Variants in UHRF1 observed in about 807,000 individuals in gnomAD.
UHRF1 encodes ubiquitin like with PHD and ring finger domains 1.
Under a neutral mutation model 96.5 loss-of-function variants are expected in UHRF1, and 9 were observed. The observed-to-expected ratio is 0.09, with a 90% CI of 0.06 to 0.16. The LOEUF is 0.16. Among genes scored for constraint, UHRF1 ranks in the 10% least tolerant of loss-of-function variants. The probability of loss-of-function intolerance (pLI) is 1.00; values close to 1 mark genes in which losing one functional copy is unlikely to be tolerated. For synonymous variants in UHRF1, 455 were observed against 469.9 expected (o/e 0.97, Z 0.41); for missense variants, 626 against 1,131.1 (o/e 0.55, Z 6.40).
intron 1 of UHRF1, 63 bp from the exon 2 acceptor site, chr19:4,910,813 A>G: frequency 6.6e-7 from 1 of 1,520,176 alleles, no homozygotes; most frequent in South Asian, 1.3e-5. Context: ...GACTCCTTAG[A>G]GCATGGCATG....
At chr19:4,942,943 G>A (rs1166372699) in intron 7 of UHRF1, among the ~76,000 whole-genome samples, 1 of 150,798 alleles carries the variant, frequency 6.6e-6, no homozygotes, top group Non-Finnish European at 1.5e-5. Context: ...TATTTCTTTA[G>A]AAAAGTAAAA....
At chr19:4,941,351 G>C (rs558419254) in intron 5 of UHRF1, among the ~76,000 whole-genome samples, 177 bp from the exon 6 acceptor site, 1 of 152,078 alleles carries the variant, frequency 6.6e-6, no homozygotes, top group South Asian at 2.1e-4. Context: ...TATTACAGGC[G>C]TGAGCCACTG....
chr19:4,941,716 C>T (rs751537042), intron 6 of UHRF1, 29 bp from the exon 7 acceptor site: 19 of 1,552,732 alleles, frequency 1.2e-5, no homozygotes, highest in South Asian at 3.5e-5. Flanking sequence ...CGGGCCCCGC[C>T]GGAGCTGACC....
At chr19:4,919,461 C>T (rs2032630731) in intron 2 of UHRF1, among the ~76,000 whole-genome samples, 1 of 151,896 alleles carries the variant, frequency 6.6e-6, no homozygotes, top group Admixed American at 6.6e-5. Flanking sequence ...CGCCACCTCG[C>T]CCAGCTAATT....
Position 4,930,335 on chromosome 19 carries a change from G to A in UHRF1, c.409-381G>A, listed in dbSNP as rs1054376059. 6.6e-6 allele frequency among the ~76,000 whole-genome samples: 1 copy of A among 152,058 alleles called. No homozygotes were observed. The highest frequency in any genetic ancestry group is 1.5e-5 in the Non-Finnish European group (1 of 68,012). On this transcript the variant is annotated intron_variant, in intron 3 of 16. Coordinates refer to ENST00000650932, the MANE Select transcript of UHRF1 (RefSeq NM_001048201.3). This position sits in a 1 kb window ranked among gnomAD's most constrained non-coding sequence, Gnocchi z 4.4. The stretch of plus-strand genomic sequence containing the variant: ...GTTGCCCAGGCTAGTCTTGAATTCC[G>A]GGGCTCAAGCGATCCACCTGCCTCG...
chr19:4,911,170 AAGG>A (rs1568404659), intron 2 of UHRF1, 132 bp downstream of exon 2: 8 of 863,510 alleles, frequency 9.3e-6, no homozygotes, highest in African/African-American at 7.1e-5. Flanking sequence ...TCTCTCCCGG[AAGG>A]AGAAGTCCAC....
At chr19:4,943,957 G>A (rs1041071459) in intron 7 of UHRF1, among the ~76,000 whole-genome samples, 175 bp from the exon 8 acceptor site, 1 of 152,128 alleles carries the variant, frequency 6.6e-6, no homozygotes, top group Non-Finnish European at 1.5e-5. Context: ...GGCTTAGTTC[G>A]AATGAATTTA....
intron 5 of UHRF1, among the ~76,000 whole-genome samples, chr19:4,936,384 AC>A (rs1289941193): frequency 6.6e-6 from 1 of 152,124 alleles, no homozygotes; most frequent in Non-Finnish European, 1.5e-5. Flanking sequence ...TCTGCAGATG[AC>A]AGACCAGGGA....
chr19:4,916,834 C>A (rs568905214), intron 2 of UHRF1, among the ~76,000 whole-genome samples: 15 of 152,236 alleles, frequency 9.9e-5, no homozygotes, highest in African/African-American at 2.9e-4. Context: ...TCCTTCCCCC[C>A]AGGTCCCGTC....
intron 2 of UHRF1, among the ~76,000 whole-genome samples, chr19:4,918,239 C>T (rs1214197371): frequency 3.3e-5 from 5 of 152,044 alleles, no homozygotes; most frequent in Non-Finnish European, 7.4e-5. Context: ...CCTGCCTCAG[C>T]CTCCCAAGTA....
chr19:4,913,026 T>A (rs1004379556), intron 2 of UHRF1, among the ~76,000 whole-genome samples: 37 of 152,168 alleles, frequency 2.4e-4, no homozygotes, highest in African/African-American at 8.2e-4. Context: ...AGTTTTGGGG[T>A]TACAGGCGTG....
chr19:4,937,522 C>T (rs574133269), intron 5 of UHRF1, among the ~76,000 whole-genome samples: 1 of 152,054 alleles, frequency 6.6e-6, no homozygotes, highest in Admixed American at 6.6e-5. Flanking sequence ...TGCCAGCACA[C>T]CCAGCTTATT....
chr19:4,959,759 A>G (rs1048072134), intron 16 of UHRF1, among the ~76,000 whole-genome samples: 5 of 152,126 alleles, frequency 3.3e-5, no homozygotes, highest in Admixed American at 6.5e-5. Context: ...CTGGAGTGCA[A>G]TGGCGTGATC....
intron 5 of UHRF1, among the ~76,000 whole-genome samples, chr19:4,939,218 A>ATTTTTTTTT (rs35132707): frequency 8.3e-6 from 1 of 120,814 alleles, no homozygotes. Flanking sequence ...GCACCCGGCC[A>ATTTTTTTTT]TTTTTTTTTT....
At chr19:4,941,968 C>T (rs775388135) in intron 7 of UHRF1, 37 bp downstream of exon 7, 5 of 1,445,122 alleles carry the variant, frequency 3.5e-6, no homozygotes, top group African/African-American at 1.4e-5. Flanking sequence ...GAGACCAGAG[C>T]GCCCCCTACA....
rs550475658 is a variant in UHRF1 at position 4,911,132 on chromosome 19, C to A, written c.153+94C>A. ...ATACTTTCTCCCTCCCACCTCCCCC[C>A]CCAACAACCTCGTCCGGTCCCACTT... is the stretch of plus-strand genomic sequence containing the variant. On this transcript the variant is annotated intron_variant, in intron 2 of 16. Transcript: ENST00000650932. The A allele has an allele frequency of 2.4e-4, 303 of 1,266,440 alleles. 1 individual carries two copies. The highest frequency in any genetic ancestry group is 1.4e-3 in the East Asian group (56 of 39,452). The allele number at this position is 1,266,440 out of a possible 1,614,324, so 78.5% of individuals were successfully genotyped here.
At chr19:4,913,968 T>C (rs986368189) in intron 2 of UHRF1, among the ~76,000 whole-genome samples, 2 of 151,986 alleles carry the variant, frequency 1.3e-5, no homozygotes, top group African/African-American at 4.8e-5. Flanking sequence ...TGCGCCACCA[T>C]GCGCAGCTAA....
intron 2 of UHRF1, among the ~76,000 whole-genome samples, chr19:4,914,963 GGTCA>G (rs1038242273): frequency 1.3e-5 from 2 of 152,202 alleles, no homozygotes; most frequent in Non-Finnish European, 2.9e-5. Context: ...TTTGGGGCCA[GGTCA>G]TCCTCTGGCT....
At chr19:4,931,020 C>T (rs1403909337) in intron 4 of UHRF1, 144 bp downstream of exon 4, 6 of 1,131,518 alleles carry the variant, frequency 5.3e-6, no homozygotes, top group African/African-American at 3.1e-5. Flanking sequence ...TAACAGCATA[C>T]GAGGCTGCCC....
Sources: allele counts gnomAD v4.1 joint callset (sites outside exome capture counted in the v4.1 genomes callset), GRCh38; gene constraint gnomAD v4.1.1; non-coding constraint Gnocchi (gnomAD v3.1); transcripts MANE v1.5; gene names NCBI Gene and HGNC (gene_info 2026-07-23, HGNC 2026-07-21).